The following LRRC4C variants were observed in gnomAD, a reference collection of about 807,000 sequenced individuals.
The protein encoded by LRRC4C is leucine-rich repeat-containing protein 4C.
Under a neutral mutation model 33.6 loss-of-function variants are expected in LRRC4C, and 5 were observed. The ratio of observed to expected loss-of-function variants is 0.15; its 90% CI spans 0.08 to 0.31. The LOEUF is 0.31. Among genes scored for constraint, LRRC4C ranks in the 10% least tolerant of loss-of-function variants. The pLI is 1.00. For synonymous variants in LRRC4C, 329 were observed against 302.0 expected (o/e 1.09, Z -0.93); for missense variants, 560 against 796.7 (o/e 0.70, Z 3.58).
At chr11:40,879,497 GA>G (rs1221087576) in intron 2 of LRRC4C, among the ~76,000 whole-genome samples, 1 of 152,154 alleles carries the variant, frequency 6.6e-6, no homozygotes, top group African/African-American at 2.4e-5. Flanking sequence ...TCCTGTGGGG[GA>G]AAACAGAGGG....
chr11:40,316,033 T>A (rs543473958), intron 4 of LRRC4C, among the ~76,000 whole-genome samples: 3 of 151,988 alleles, frequency 2.0e-5, no homozygotes, highest in South Asian at 4.1e-4. Flanking sequence ...ATGAATTAGA[T>A]CTAATAACTA....
intron 1 of LRRC4C, among the ~76,000 whole-genome samples, chr11:41,303,112 C>CCTCTCT (rs1555142020): frequency 7.1e-6 from 1 of 140,658 alleles, no homozygotes; most frequent in Non-Finnish European, 1.6e-5. Flanking sequence ...TCTCCCTCTC[C>CCTCTCT]CTCTCCCTCA....
intron 1 of LRRC4C, among the ~76,000 whole-genome samples, chr11:41,000,562 C>T (rs1168534214): frequency 6.6e-6 from 1 of 152,058 alleles, no homozygotes; most frequent in Non-Finnish European, 1.5e-5. Context: ...AAATTATTTT[C>T]CTAGTTCCCT....
rs540398130 is a variant in LRRC4C at position 40,427,591 on chromosome 11, G to C, written c.-269-107870C>G. Among the ~76,000 whole-genome samples, 10 of 152,344 alleles carry C rather than the reference G, an allele frequency of 6.6e-5. No homozygotes were observed. In the East Asian group the frequency reaches 1.9e-3, roughly 29 times the overall value. On this transcript the variant is annotated intron_variant, in intron 3 of 6. Coordinates refer to ENST00000528697, the MANE Select transcript of LRRC4C (RefSeq NM_001258419.2). ...GCCTGTAATCCCAGCATTTTGGGAA[G>C]TCAAGGCGGGTGAATTGCTTAAGGC...
intron 5 of LRRC4C, among the ~76,000 whole-genome samples, chr11:40,240,388 A>C (rs1375564145): frequency 6.6e-6 from 1 of 152,178 alleles, no homozygotes; most frequent in Non-Finnish European, 1.5e-5. Flanking sequence ...AGACGCAGAC[A>C]GCTTCCGTCT....
intron 2 of LRRC4C, among the ~76,000 whole-genome samples, chr11:40,887,208 T>TA (rs34582420): frequency 0.88 from 132,395 of 150,682 alleles, 58,545 homozygotes; most frequent in Non-Finnish European, 0.94. Context: ...CTAATACACA[T>TA]AAAAAAAAGA....
chr11:40,141,705 A>C (rs1857378277), intron 5 of LRRC4C, among the ~76,000 whole-genome samples: 1 of 152,200 alleles, frequency 6.6e-6, no homozygotes. Flanking sequence ...AGGGAGGCAG[A>C]TGTTAAAATC....
chr11:40,694,906 C>A (rs11036025), intron 2 of LRRC4C, among the ~76,000 whole-genome samples: 1 of 152,102 alleles, frequency 6.6e-6, no homozygotes, highest in Non-Finnish European at 1.5e-5. Flanking sequence ...GCCCCCTTCT[C>A]TTCCTTCCGG....
intron 3 of LRRC4C, among the ~76,000 whole-genome samples, chr11:40,532,907 G>A (rs1287352834): frequency 6.6e-6 from 1 of 152,036 alleles, no homozygotes; most frequent in Non-Finnish European, 1.5e-5. Flanking sequence ...GGAAAAGCAA[G>A]GCACCTTCTT....
intron 3 of LRRC4C, among the ~76,000 whole-genome samples, chr11:40,646,631 G>T (rs1027226999): frequency 3.3e-5 from 5 of 152,010 alleles, no homozygotes; most frequent in African/African-American, 4.8e-5. Flanking sequence ...TTTGGAGACG[G>T]ACTCTTGCTC....
At chr11:40,319,908 A>AATATGT (rs1945756520) in intron 3 of LRRC4C, among the ~76,000 whole-genome samples, 187 bp from the exon 4 acceptor site, 1 of 152,056 alleles carries the variant, frequency 6.6e-6, no homozygotes, top group Non-Finnish European at 1.5e-5. Context: ...AACTATAGCA[A>AATATGT]ATATGTATAT....
intron 1 of LRRC4C, among the ~76,000 whole-genome samples, chr11:41,148,104 C>T (rs1014185960): frequency 2.6e-5 from 4 of 152,046 alleles, no homozygotes; most frequent in African/African-American, 7.2e-5. Context: ...CTGTAACCTC[C>T]GCCTCCCAGG....
At chr11:40,667,641 T>C (rs1273529048) in intron 2 of LRRC4C, among the ~76,000 whole-genome samples, 4 of 152,174 alleles carry the variant, frequency 2.6e-5, no homozygotes. Context: ...AGAGGAACTA[T>C]GAGAAACTCA....
At chr11:40,739,019 G>A (rs1171493301) in intron 2 of LRRC4C, among the ~76,000 whole-genome samples, 19 of 126,784 alleles carry the variant, frequency 1.5e-4, no homozygotes. Flanking sequence ...GTGTGTGTGT[G>A]TGTGTGTGTA....
At chr11:40,148,143 C>A (rs1258637580) in intron 5 of LRRC4C, among the ~76,000 whole-genome samples, 1 of 152,096 alleles carries the variant, frequency 6.6e-6, no homozygotes, top group East Asian at 1.9e-4. Flanking sequence ...AGGTTGATTC[C>A]ATGTCTTTGC....
chr11:40,902,530 A>T (rs1427398260), intron 2 of LRRC4C, among the ~76,000 whole-genome samples: 1 of 152,158 alleles, frequency 6.6e-6, no homozygotes, highest in Non-Finnish European at 1.5e-5. Context: ...GATAAAGTTT[A>T]AAGAGGATGG....
chr11:40,591,127 G>A (rs1959033993), intron 3 of LRRC4C, among the ~76,000 whole-genome samples: 1 of 152,132 alleles, frequency 6.6e-6, no homozygotes. Context: ...AGCAATCAGT[G>A]AGACTCCGTG....
At chr11:40,226,649 A>G (rs1478776446) in intron 5 of LRRC4C, among the ~76,000 whole-genome samples, 1 of 152,224 alleles carries the variant, frequency 6.6e-6, no homozygotes, top group African/African-American at 2.4e-5. Flanking sequence ...TGTTGCACAG[A>G]GCACTGGGTC....
intron 3 of LRRC4C, among the ~76,000 whole-genome samples, chr11:40,347,222 A>T (rs1051870128): frequency 6.6e-6 from 1 of 152,202 alleles, no homozygotes; most frequent in Non-Finnish European, 1.5e-5. Flanking sequence ...AGCACTTGCT[A>T]CTTCACCTTA....
Sources: gnomAD v4.1 joint callset for allele counts (sites outside exome capture counted in the v4.1 genomes callset) on GRCh38, gnomAD v4.1.1 for gene constraint, MANE v1.5 for transcripts, NCBI Gene and HGNC (gene_info 2026-07-23, HGNC 2026-07-21) for gene names.